Variants in ADCY6 observed in about 807,000 individuals in gnomAD.
The protein encoded by ADCY6 is adenylate cyclase type 6.
A neutral mutation model predicts 111.6 loss-of-function variants in ADCY6; 59 were observed. That is an observed-to-expected ratio of 0.53 (90% CI 0.43 to 0.66). The LOEUF (loss-of-function observed/expected upper bound fraction) is 0.66, where lower values mean the gene tolerates loss of function less well. ADCY6 is among the 30% of genes least tolerant of loss of function. The pLI, the probability that ADCY6 is intolerant of heterozygous loss-of-function variation, is 0.00. For synonymous variants in ADCY6, 576 were observed against 642.9 expected (o/e 0.90, Z 1.57); for missense variants, 1,242 against 1,595.6 (o/e 0.78, Z 3.78).
rs1184251403 is a variant in ADCY6 at position 48,766,464 on chromosome 12, G to T, written c.*2127C>A. On this transcript the variant is annotated 3_prime_UTR_variant, in exon 22 of 22. Transcript: ENST00000357869. ...GCAGAGACAAGCCACCCAAGGCTGAGGTCTTCCCACTCTGATCTACTTATA... is the reference window on the plus strand; with the variant it reads ...GCAGAGACAAGCCACCCAAGGCTGATGTCTTCCCACTCTGATCTACTTATA... The T allele has an allele frequency of 6.6e-6, 1 of 152,664 alleles. No homozygotes were observed. Among genetic ancestry groups the T allele is most frequent in the Non-Finnish European group, 1.5e-5 (1 of 68,112 alleles). 9.5% of individuals were successfully genotyped at this position (152,664 alleles called of 1,614,324 possible).
intron 2 of ADCY6, among the ~76,000 whole-genome samples, chr12:48,779,614 C>T (rs1191330899): frequency 6.6e-6 from 1 of 152,098 alleles, no homozygotes; most frequent in East Asian, 1.9e-4. Context: ...GAATGTTCAG[C>T]CCCCAATCAT....
chr12:48,778,735 A>G (rs898301764), intron 2 of ADCY6, among the ~76,000 whole-genome samples: 2 of 152,168 alleles, frequency 1.3e-5, no homozygotes, highest in African/African-American at 4.8e-5. Flanking sequence ...GAATGAGAAG[A>G]TCTCTAAAGC....
At position 48,768,390 on chromosome 12, in the gene ADCY6, T is replaced by G. The variant is rs185638739; in HGVS notation, c.*201A>C. The G allele has an allele frequency of 3.9e-4, 278 of 710,422 alleles. 1 individual carries two copies. In the East Asian group the frequency reaches 4.1e-3, roughly 10 times the overall value. 44.0% of individuals were successfully genotyped at this position (710,422 alleles called of 1,614,324 possible). A position where few individuals can be genotyped will look rare whatever the true frequency, so the allele number is the denominator to read the frequency against. On this transcript the variant is annotated 3_prime_UTR_variant, in exon 22 of 22. Coordinates refer to ENST00000357869, the MANE Select transcript of ADCY6 (RefSeq NM_015270.5). ...CAAGTAAGAAAGAAAGTCACTTGCA[T>G]AATCCTCTCGGTAGGTAGCCCCTTG... is the stretch of plus-strand genomic sequence containing the variant.
intron 1 of ADCY6, among the ~76,000 whole-genome samples, chr12:48,786,200 A>C (rs1298904862): frequency 1.3e-5 from 2 of 152,170 alleles, no homozygotes; most frequent in Admixed American, 1.3e-4. Flanking sequence ...TGAGAGCTCA[A>C]GCCAGATGGG....
rs1484718184 is a variant in ADCY6, at chr12:48,789,009, T to A, written c.-108A>T. ...CGCGGTCCTCCGAGCCCGCGCGTCC[T>A]GGCCGTCCCGCCCGCCGTCCGCCGT... On this transcript the variant is annotated 5_prime_UTR_variant, in exon 1 of 22. Transcript: ENST00000357869. The A allele has an allele frequency of 7.8e-6, 1 of 127,460 alleles. No individual in the cohort carries two copies. Among genetic ancestry groups the A allele is most frequent in the Non-Finnish European group, 1.6e-5 (1 of 62,412 alleles). 7.9% of individuals were successfully genotyped at this position (127,460 alleles called of 1,614,324 possible).
At chr12:48,770,379 C>T (rs1941503107) in intron 20 of ADCY6, among the ~76,000 whole-genome samples, 1 of 152,108 alleles carries the variant, frequency 6.6e-6, no homozygotes, top group Admixed American at 6.6e-5. Flanking sequence ...CACTCCCATC[C>T]ACCAGTTCAT....
chr12:48,775,825 G>T, intron 9 of ADCY6, 127 bp from the exon 10 acceptor site: 2 of 1,508,878 alleles, frequency 1.3e-6, no homozygotes, highest in South Asian at 1.2e-5. Flanking sequence ...ACTGGGACCC[G>T]AGATGAAATC....
Position 48,768,522 on chromosome 12 carries a change from A to G in ADCY6, c.*69T>C. On this transcript the variant is annotated 3_prime_UTR_variant, in exon 22 of 22. Coordinates refer to ENST00000357869, the MANE Select transcript of ADCY6 (RefSeq NM_015270.5). ...GCTCAGTGCCCCCTGCCACAGCTCC[A>G]CCCAGTGAGCACAGAGTCCACTCAA... 2 of 1,610,082 alleles carry G rather than the reference A, an allele frequency of 1.2e-6. No homozygotes were observed. The highest frequency in any genetic ancestry group is 1.7e-6 in the Non-Finnish European group (2 of 1,176,734).
Position 48,778,132 on chromosome 12 carries a change from G to A in ADCY6, c.990C>T (p.His330=), listed in dbSNP as rs945446305. 6.2e-7 allele frequency: 1 copy of A among 1,612,626 alleles called. No individual in the cohort carries two copies. Among genetic ancestry groups the A allele is most frequent in the Non-Finnish European group, 8.5e-7 (1 of 1,179,478 alleles). ...ETRGYIQARL[H]LQHENRQQER... is the part of the protein sequence containing the mutation. ...CCTGCTGCCGATTCTCATGCTGCAG[G>A]TGGAGCCGGGCCTGGATGTAACCGC... is the stretch of plus-strand genomic sequence containing the variant. Residue 330 remains histidine (H), a synonymous_variant, in exon 3 of 22, where the codon CAC becomes CAT. Coordinates refer to ENST00000357869, the MANE Select transcript of ADCY6 (RefSeq NM_015270.5).
Position 48,783,153 on chromosome 12 carries a change from G to A in ADCY6, c.282C>T (p.Thr94=), listed in dbSNP as rs142741824. Residue 94 remains threonine (T), a synonymous_variant, in exon 2 of 22, where the codon ACC becomes ACT. Coordinates refer to ENST00000357869, the MANE Select transcript of ADCY6 (RefSeq NM_015270.5). ...TCCCGCCCGCTGTCGTTGTCACCTC[G>A]GTATCCTCGAAGCCCAGGGCCACTG... ...LRAVALGFED[T]EVTTTAGGTA... The A allele has an allele frequency of 2.8e-5, 45 of 1,607,304 alleles. No homozygotes were observed. The Middle Eastern group carries it at 2.1e-3, about 76-fold the overall frequency.
intron 9 of ADCY6, 97 bp downstream of exon 9, chr12:48,775,866 A>G: frequency 2.6e-6 from 4 of 1,531,860 alleles, no homozygotes; most frequent in East Asian, 2.5e-5. Flanking sequence ...GAAAGCATAC[A>G]TGGAAATGGC....
chr12:48,783,719 G>A, intron 1 of ADCY6: 2 of 545,510 alleles, frequency 3.7e-6, no homozygotes, highest in Non-Finnish European at 6.1e-6. Flanking sequence ...GAGATAGGAG[G>A]ATGGCTTAAG....
chr12:48,781,986 G>A (rs1941856337), intron 2 of ADCY6, among the ~76,000 whole-genome samples: 1 of 152,176 alleles, frequency 6.6e-6, no homozygotes, highest in African/African-American at 2.4e-5. Flanking sequence ...AGCCCAGAGA[G>A]AACTGACCCC....
chr12:48,769,552 T>C (rs1177901414), intron 20 of ADCY6, among the ~76,000 whole-genome samples: 1 of 151,156 alleles, frequency 6.6e-6, no homozygotes, highest in East Asian at 1.9e-4. Flanking sequence ...TGTCAACCAC[T>C]CTAGTAAGCA....
At chr12:48,785,699 TTCTC>T (rs1941968509) in intron 1 of ADCY6, among the ~76,000 whole-genome samples, 1 of 152,226 alleles carries the variant, frequency 6.6e-6, no homozygotes, top group African/African-American at 2.4e-5. Context: ...TCCATGCACT[TTCTC>T]TATGCTTTAA....
chr12:48,781,086 T>A (rs1045895184), intron 2 of ADCY6, among the ~76,000 whole-genome samples: 1 of 151,486 alleles, frequency 6.6e-6, no homozygotes, highest in Non-Finnish European at 1.5e-5. Context: ...TAGTCCCAGC[T>A]ACTCAGGAGG....
Position 48,767,180 on chromosome 12 carries a change from T to G in ADCY6, c.*1411A>C, listed in dbSNP as rs903028337. The G allele has an allele frequency of 6.6e-6, 1 of 152,670 alleles. No individual in the cohort carries two copies. The highest frequency in any genetic ancestry group is 2.4e-5 in the African/African-American group (1 of 41,442). 9.5% of individuals were successfully genotyped at this position (152,670 alleles called of 1,614,324 possible). On this transcript the variant is annotated 3_prime_UTR_variant, in exon 22 of 22. Transcript: ENST00000357869. ...GACACTATCTGGGGAAGCCAGGAAA[T>G]TCCTCAGCCTCTGTCCATCAAACCC...
In ADCY6 at chr12:48,776,420, CT is replaced by C. The variant is rs758721418; in HGVS notation, c.1535+7del. 1.0e-3 allele frequency: 1,661 copies of C among 1,613,392 alleles called. 5 individuals are homozygous for C. The highest frequency in any genetic ancestry group is 1.9e-3 in the Admixed American group (114 of 60,018). Reference sequence around the variant, plus strand: ...CCCCATCCCCCCCACCTGGACCCCCCTACTCACCCAGCCCGGCCTCCTGCCT... The same window carrying C: ...CCCCATCCCCCCCACCTGGACCCCCCACTCACCCAGCCCGGCCTCCTGCCT... On this transcript the variant is annotated splice_region_variant and intron_variant, in intron 7 of 21. Coordinates refer to ENST00000357869, the MANE Select transcript of ADCY6 (RefSeq NM_015270.5). The surrounding 1 kb of genome is among the most constrained non-coding windows in gnomAD (Gnocchi z 6.1).
In ADCY6 at chr12:48,785,264, G is replaced by A. The variant is rs144867297; in HGVS notation, c.-4-1826C>T. Among the ~76,000 whole-genome samples the A allele has an allele frequency of 2.4e-3, 361 of 152,276 alleles. 1 individual carries two copies. Among genetic ancestry groups the A allele is most frequent in the Non-Finnish European group, 3.7e-3 (251 of 68,026 alleles). On this transcript the variant is annotated intron_variant, in intron 1 of 21. Coordinates refer to ENST00000357869, the MANE Select transcript of ADCY6 (RefSeq NM_015270.5). ...CTGACTGGAATGTCAGCCTTATGAA[G>A]GCAAGGATTTTGACCTGCTGTGCTC... is the stretch of plus-strand genomic sequence containing the variant.
Sources: gnomAD v4.1 joint callset for allele counts (sites outside exome capture counted in the v4.1 genomes callset) on GRCh38, gnomAD v4.1.1 for gene constraint, Gnocchi (gnomAD v3.1) non-coding constraint, MANE v1.5 for transcripts, NCBI Gene and HGNC (gene_info 2026-07-23, HGNC 2026-07-21) for gene names.